Variants in KNTC1 observed in about 807,000 individuals in gnomAD.
KNTC1 encodes kinetochore-associated protein 1.
Under a neutral mutation model 314.4 loss-of-function variants are expected in KNTC1, and 253 were observed. That is an observed-to-expected ratio of 0.80 (90% CI 0.73 to 0.89). The LOEUF (loss-of-function observed/expected upper bound fraction) is 0.89. Among genes scored for constraint, KNTC1 ranks in the 40% least tolerant of loss-of-function variants. KNTC1 has a pLI of 0.00. For missense variants in KNTC1, 2,475 were observed against 2,572.9 expected, an observed-to-expected ratio of 0.96 and a Z score of 0.82; for synonymous variants, 901 against 901.4, an observed-to-expected ratio of 1.00 and a Z score of 0.01.
intron 34 of KNTC1, among the ~76,000 whole-genome samples, chr12:122,583,642 A>G (rs1868769061): frequency 6.6e-6 from 1 of 152,146 alleles, no homozygotes; most frequent in Non-Finnish European, 1.5e-5. Context: ...CCTGGCCAAC[A>G]CAGTGAAACC....
chr12:122,597,830 C>T lies in KNTC1; in HGVS notation c.4455C>T (p.Asp1485=), dbSNP rs1871272298. The T allele has an allele frequency of 6.2e-7, 1 of 1,614,024 alleles. No individual in the cohort carries two copies. Among genetic ancestry groups the T allele is most frequent in the Non-Finnish European group, 8.5e-7 (1 of 1,179,882 alleles). The change falls in exon 44 of 64, where the codon GAC becomes GAT. Residue 1485 remains aspartate, a synonymous_variant. Coordinates refer to ENST00000333479, the MANE Select transcript of KNTC1 (RefSeq NM_014708.6). ...AAGGCCAGGGAGATGCAAGCATGGA[C>T]TCTGCAAAGCGGCGGCATCCCAAAC... ...AGQGQGDASM[D]SAKRRHPKLL... is the part of the protein sequence containing the mutation.
At position 122,571,678 on chromosome 12, in the gene KNTC1, A is replaced by AT. The variant is rs540788053; in HGVS notation, c.2019+561dup. 1.1e-3 allele frequency among the ~76,000 whole-genome samples: 159 copies of AT among 150,022 alleles called. 5 individuals carry two copies. The South Asian group carries it at 0.027, about 26-fold the overall frequency. On this transcript the variant is annotated intron_variant, in intron 24 of 63. Coordinates refer to ENST00000333479, the MANE Select transcript of KNTC1 (RefSeq NM_014708.6). ...CCAGCCCTCTCAACCTATTATTATT[A>AT]TTTTTTTTTGAGATGGAGTCTCACC...
intron 48 of KNTC1, among the ~76,000 whole-genome samples, chr12:122,604,088 C>G (rs937945565): frequency 2.7e-5 from 4 of 150,480 alleles, no homozygotes; most frequent in African/African-American, 9.8e-5. Context: ...CACAGACTGA[C>G]ACACACACAC....
At chr12:122,563,699 T>C in intron 20 of KNTC1, 4 of 1,181,706 alleles carry the variant, frequency 3.4e-6, no homozygotes, top group Non-Finnish European at 4.4e-6. Context: ...GCCATAAAAA[T>C]TGGATTTACT....
chr12:122,550,044 T>C (rs1266189219), intron 13 of KNTC1, among the ~76,000 whole-genome samples, 180 bp downstream of exon 13: 2 of 152,200 alleles, frequency 1.3e-5, no homozygotes, highest in African/African-American at 2.4e-5. Flanking sequence ...ATATACTTAC[T>C]TGATAGTCTA....
intron 33 of KNTC1, among the ~76,000 whole-genome samples, chr12:122,581,284 C>CAG (rs1332490485): frequency 6.7e-6 from 1 of 149,138 alleles, no homozygotes; most frequent in Non-Finnish European, 1.5e-5. Context: ...CTGCAACCTC[C>CAG]ACCTCCCAGG....
Position 122,577,685 on chromosome 12 carries a change from T to G in KNTC1, c.2735T>G (p.Leu912Arg), listed in dbSNP as rs1260768321. 1 of 1,613,692 alleles carries G rather than the reference T, an allele frequency of 6.2e-7. No individual in the cohort carries two copies. ...LIDREQGEDCLLLLKSLPPAE... is the reference protein window; with the variant it reads ...LIDREQGEDCRLLLKSLPPAE... ...CCCTGTTTATAGGGTGAAGACTGTC[T>G]CCTTCTGTTGAAGTCTTTGCCTCCT... Residue 912 changes from leucine (L) to arginine (R), a missense_variant, in exon 31 of 64, where the codon CTC becomes CGC. Coordinates refer to ENST00000333479, the MANE Select transcript of KNTC1 (RefSeq NM_014708.6).
rs368892317 is a variant in KNTC1, at chr12:122,603,229, A to G, written c.5087A>G (p.Gln1696Arg). 2 of 1,606,324 alleles carry G rather than the reference A, an allele frequency of 1.2e-6. No individual in the cohort carries two copies. The highest frequency in any genetic ancestry group is 1.7e-6 in the Non-Finnish European group (2 of 1,176,078). ...WAVAIAISLA[Q>R]DIPEGSFKIS... Reference sequence around the variant, plus strand: ...GTAGCTATTGCCATCAGCCTTGCCCAGGATATCCCTGAAGGTATGAGCTCT... The same window carrying G: ...GTAGCTATTGCCATCAGCCTTGCCCGGGATATCCCTGAAGGTATGAGCTCT... The change falls in exon 48 of 64, where the codon CAG (glutamine) becomes CGG (arginine). Residue 1696 changes from glutamine (Q) to arginine (R), a missense_variant. Physicochemically the swap from Gln to Arg is conservative, Grantham distance 43. Coordinates refer to ENST00000333479, the MANE Select transcript of KNTC1 (RefSeq NM_014708.6).
At chr12:122,593,456 G>T (rs1870606254) in intron 42 of KNTC1, 1 of 150,138 alleles carries the variant, frequency 6.7e-6, no homozygotes, top group Non-Finnish European at 1.5e-5. Flanking sequence ...TAGAGACAGG[G>T]TTTCACTGTA....
chr12:122,545,131 G>A (rs1962659608), intron 8 of KNTC1, among the ~76,000 whole-genome samples: 1 of 152,152 alleles, frequency 6.6e-6, no homozygotes, highest in African/African-American at 2.4e-5. Context: ...CAGTAACCCT[G>A]ATCATAATTT....
intron 3 of KNTC1, among the ~76,000 whole-genome samples, chr12:122,535,731 G>A (rs962821812): frequency 2.0e-5 from 3 of 151,820 alleles, no homozygotes; most frequent in Non-Finnish European, 4.4e-5. Context: ...CAGGAGAATC[G>A]CTTGATCCCA....
At chr12:122,558,458 A>G (rs1963750897) in intron 18 of KNTC1, among the ~76,000 whole-genome samples, 1 of 152,102 alleles carries the variant, frequency 6.6e-6, no homozygotes, top group Non-Finnish European at 1.5e-5. Flanking sequence ...ATGCTGAGGC[A>G]GGAGAATTGC....
At chr12:122,528,132 TC>T (rs1156299944) in intron 1 of KNTC1, among the ~76,000 whole-genome samples, 1 of 152,232 alleles carries the variant, frequency 6.6e-6, no homozygotes, top group Non-Finnish European at 1.5e-5. Flanking sequence ...AAATAGGTAT[TC>T]AATAAACATT....
chr12:122,553,711 GCAT>G (rs1458913747), intron 16 of KNTC1, among the ~76,000 whole-genome samples: 2 of 152,046 alleles, frequency 1.3e-5, no homozygotes, highest in African/African-American at 4.8e-5. Flanking sequence ...GGGGGCAATA[GCAT>G]ATCAGGGATG....
At chr12:122,604,709 C>T (rs1030741012) in intron 49 of KNTC1, 72 bp downstream of exon 49, 5 of 1,275,668 alleles carry the variant, frequency 3.9e-6, no homozygotes, top group South Asian at 1.2e-5. Flanking sequence ...TTTACCTTCT[C>T]ATGCTGCCCT....
chr12:122,544,713 G>C (rs779809449), intron 8 of KNTC1, among the ~76,000 whole-genome samples: 1 of 152,122 alleles, frequency 6.6e-6, no homozygotes, highest in Non-Finnish European at 1.5e-5. Flanking sequence ...TGATTCTACT[G>C]CTTTTTGTTT....
intron 55 of KNTC1, 80 bp downstream of exon 55, chr12:122,613,841 T>C (rs1001846955): frequency 4.0e-6 from 5 of 1,244,794 alleles, no homozygotes; most frequent in Admixed American, 6.0e-5. Context: ...AACAGTCTTT[T>C]TGTTGTTGTT....
chr12:122,573,481 C>G (rs1011046872), intron 26 of KNTC1, among the ~76,000 whole-genome samples, 196 bp downstream of exon 26: 5 of 152,088 alleles, frequency 3.3e-5, no homozygotes, highest in African/African-American at 1.2e-4. Flanking sequence ...ACTGTGAACC[C>G]GGAAAATCTG....
chr12:122,539,299 G>A (rs1962095894), intron 4 of KNTC1, among the ~76,000 whole-genome samples: 1 of 152,168 alleles, frequency 6.6e-6, no homozygotes, highest in Non-Finnish European at 1.5e-5. Flanking sequence ...TGCCTGCCAG[G>A]ATTGAGTTTC....
Sources: gnomAD v4.1 joint callset for allele counts (sites outside exome capture counted in the v4.1 genomes callset) on GRCh38, gnomAD v4.1.1 for gene constraint, MANE v1.5 for transcripts, NCBI Gene and HGNC (gene_info 2026-07-23, HGNC 2026-07-21) for gene names.